Variants in COL23A1 observed in about 807,000 individuals in gnomAD.
The protein encoded by COL23A1 is collagen alpha-1(XXIII) chain.
A neutral mutation model predicts 99.3 loss-of-function variants in COL23A1; 97 were observed. The ratio of observed to expected loss-of-function variants is 0.98; its 90% CI spans 0.83 to 1.16. The LOEUF is 1.16. COL23A1 is among the 50% of genes most tolerant of loss of function. COL23A1 has a pLI of 0.00. For synonymous variants in COL23A1, 320 were observed against 308.2 expected, an observed-to-expected ratio of 1.04 and a Z score of -0.40; for missense variants, 762 against 757.4, an observed-to-expected ratio of 1.01 and a Z score of -0.07.
intron 5 of COL23A1, among the ~76,000 whole-genome samples, chr5:178,282,223 C>T (rs531913153): frequency 3.3e-5 from 5 of 152,050 alleles, no homozygotes; most frequent in African/African-American, 7.2e-5. Flanking sequence ...GGCTATGACA[C>T]GGAGGTATGA....
chr5:178,456,133 T>C (rs1316986365), intron 2 of COL23A1, among the ~76,000 whole-genome samples: 1 of 152,202 alleles, frequency 6.6e-6, no homozygotes. Flanking sequence ...CAACCAGTTA[T>C]ATGGAAGATC....
chr5:178,541,801 C>G (rs917740512), intron 2 of COL23A1, among the ~76,000 whole-genome samples: 3 of 152,200 alleles, frequency 2.0e-5, no homozygotes, highest in Non-Finnish European at 4.4e-5. Context: ...ATAGATGAAT[C>G]TCACAAACAA....
chr5:178,576,213 C>T (rs1763347420), intron 1 of COL23A1, among the ~76,000 whole-genome samples: 7 of 152,286 alleles, frequency 4.6e-5, no homozygotes, highest in Admixed American at 2.0e-4. Context: ...TGCCCTGCTG[C>T]CCAATAGCCC....
intron 2 of COL23A1, among the ~76,000 whole-genome samples, chr5:178,320,100 A>T (rs1169092062): frequency 9.5e-6 from 1 of 105,738 alleles, no homozygotes; most frequent in African/African-American, 3.0e-5. Flanking sequence ...TGCCTCATGC[A>T]TTTGTTGTCA....
At chr5:178,534,103 G>A (rs487168) in intron 2 of COL23A1, among the ~76,000 whole-genome samples, 31,235 of 152,066 alleles carry the variant, frequency 0.21, 3,303 homozygotes, top group Non-Finnish European at 0.22. Flanking sequence ...CTGGGGCTGC[G>A]GTAACAAAAT....
chr5:178,588,773 C>A (rs1158555360), intron 1 of COL23A1, among the ~76,000 whole-genome samples: 4 of 152,182 alleles, frequency 2.6e-5, no homozygotes, highest in Non-Finnish European at 2.9e-5. Flanking sequence ...TCCAAAGGAA[C>A]TCAACATTGG....
At chr5:178,411,852 T>A (rs1765072449) in intron 2 of COL23A1, among the ~76,000 whole-genome samples, 1 of 152,240 alleles carries the variant, frequency 6.6e-6, no homozygotes, top group Non-Finnish European at 1.5e-5. Context: ...TTTTTGCCTA[T>A]AGCATTGGTA....
At chr5:178,443,747 C>T (rs909743704) in intron 2 of COL23A1, among the ~76,000 whole-genome samples, 3 of 152,066 alleles carry the variant, frequency 2.0e-5, no homozygotes, top group African/African-American at 2.4e-5. Context: ...CGTCAGCCAC[C>T]GAGCCCGGCC....
At chr5:178,377,773 C>T (rs1271004909) in intron 2 of COL23A1, among the ~76,000 whole-genome samples, 3 of 152,188 alleles carry the variant, frequency 2.0e-5, no homozygotes, top group South Asian at 2.1e-4. Context: ...GGGACTCCTG[C>T]GTAGAGGTGG....
chr5:178,579,732 A>C (rs1032666503), intron 1 of COL23A1, among the ~76,000 whole-genome samples: 7 of 152,076 alleles, frequency 4.6e-5, no homozygotes, highest in Non-Finnish European at 8.8e-5. Flanking sequence ...GATTACAGGC[A>C]TGAGCCACCG....
At chr5:178,325,847 T>C (rs1456745549) in intron 2 of COL23A1, among the ~76,000 whole-genome samples, 1 of 152,218 alleles carries the variant, frequency 6.6e-6, no homozygotes, top group East Asian at 1.9e-4. Flanking sequence ...GCACTGGGAA[T>C]GGAGAGCATG....
chr5:178,488,602 A>C (rs1475925742), intron 2 of COL23A1, among the ~76,000 whole-genome samples: 1 of 151,990 alleles, frequency 6.6e-6, no homozygotes, highest in Non-Finnish European at 1.5e-5. Flanking sequence ...CCCCAAACTC[A>C]GATTTGCACA....
intron 2 of COL23A1, among the ~76,000 whole-genome samples, chr5:178,330,025 G>A (rs1261808874): frequency 4.6e-5 from 7 of 152,054 alleles, no homozygotes; most frequent in Non-Finnish European, 1.0e-4. Context: ...TGACTATGGC[G>A]CCATCAGTTG....
At chr5:178,331,942 G>A (rs532713629) in intron 2 of COL23A1, among the ~76,000 whole-genome samples, 3 of 152,310 alleles carry the variant, frequency 2.0e-5, no homozygotes, top group Non-Finnish European at 2.9e-5. Context: ...GCACAGCTGC[G>A]GGAGGCTGCT....
chr5:178,572,039 G>A (rs1240905132), intron 1 of COL23A1, among the ~76,000 whole-genome samples: 2 of 140,878 alleles, frequency 1.4e-5, no homozygotes, highest in East Asian at 4.1e-4. Context: ...CTGCACTCCA[G>A]CCTGGGTGAC....
intron 11 of COL23A1, 110 bp from the exon 12 acceptor site, chr5:178,259,857 A>C: frequency 2.0e-6 from 2 of 1,011,644 alleles, no homozygotes; most frequent in Non-Finnish European, 2.9e-6. Flanking sequence ...ACCCGTGCCC[A>C]GGGCCAGCCC....
intron 2 of COL23A1, among the ~76,000 whole-genome samples, chr5:178,540,643 TG>T (rs1297040672): frequency 9.9e-5 from 15 of 152,218 alleles, no homozygotes; most frequent in African/African-American, 3.6e-4. Context: ...GCAGGGTGGC[TG>T]GGCGTGGTGG....
chr5:178,271,620 T>C (rs527320742), intron 5 of COL23A1, among the ~76,000 whole-genome samples: 3 of 152,190 alleles, frequency 2.0e-5, no homozygotes, highest in African/African-American at 4.8e-5. Flanking sequence ...GCAGGCAGCA[T>C]GTGCCCAGAA....
At position 178,517,569 on chromosome 5, in the gene COL23A1, T is replaced by G. The variant is rs1012135821; in HGVS notation, c.361+43113A>C. Among the ~76,000 whole-genome samples, 7 of 115,574 alleles carry G rather than the reference T, an allele frequency of 6.1e-5. 1 individual carries two copies. The highest frequency in any genetic ancestry group is 9.3e-5 in the Non-Finnish European group (5 of 53,484). 75.8% of individuals were successfully genotyped at this position (115,574 alleles called of 152,430 possible). A position where few individuals can be genotyped will look rare whatever the true frequency, so the allele number is the denominator to read the frequency against. On this transcript the variant is annotated intron_variant, in intron 2 of 28. Transcript: ENST00000390654. ...CTCGGTGACAGCAGTTTTTTTTTTG[T>G]TTTTTTTTTTGAGATGGAGTCTCAC...
Sources: allele counts gnomAD v4.1 joint callset (sites outside exome capture counted in the v4.1 genomes callset), GRCh38; gene constraint gnomAD v4.1.1; transcripts MANE v1.5; gene names NCBI Gene and HGNC (gene_info 2026-07-23, HGNC 2026-07-21).